EDARADD: variants seen among roughly 807,000 people sequenced by gnomAD.
EDARADD encodes the protein EDAR associated via death domain.
A neutral mutation model predicts 25.6 loss-of-function variants in EDARADD; 20 were observed. The observed-to-expected ratio is 0.78, with a 90% confidence interval of 0.55 to 1.14. The LOEUF (loss-of-function observed/expected upper bound fraction) is 1.14, where lower values mean the gene tolerates loss of function less well. Among genes scored for constraint, EDARADD ranks in the 50% most tolerant of loss-of-function variants. EDARADD has a pLI of 0.00. For synonymous variants in EDARADD, 86 were observed against 94.4 expected, an observed-to-expected ratio of 0.91 and a Z score of 0.52; for missense variants, 225 against 270.1, an observed-to-expected ratio of 0.83 and a Z score of 1.17.
intron 3 of EDARADD, among the ~76,000 whole-genome samples, chr1:236,368,997 G>A (rs1667144140): frequency 1.3e-5 from 2 of 152,052 alleles, no homozygotes; most frequent in Middle Eastern, 3.4e-3. Flanking sequence ...GTCTTGCTAT[G>A]TTGCCCAGGC....
rs1479782438 is a variant in EDARADD, at chr1:236,482,954, A to T, written c.*305A>T. On this transcript the variant is annotated 3_prime_UTR_variant, in exon 6 of 6. Coordinates refer to ENST00000334232, the MANE Select transcript of EDARADD (RefSeq NM_145861.4). ...TTCATGCCACGTTGAAGATAAAATTATCCTCTCTCTGAAATACGGTAAAGA... is the reference window on the plus strand; with the variant it reads ...TTCATGCCACGTTGAAGATAAAATTTTCCTCTCTCTGAAATACGGTAAAGA... 1.6e-6 allele frequency: 1 copy of T among 606,500 alleles called. No individual in the cohort carries two copies. The highest frequency in any genetic ancestry group is 2.9e-6 in the Non-Finnish European group (1 of 346,392). The allele number at this position is 606,500 out of a possible 1,614,324, so 37.6% of individuals were successfully genotyped here. A position where few individuals can be genotyped will look rare whatever the true frequency, so the allele number is the denominator to read the frequency against.
intron 4 of EDARADD, among the ~76,000 whole-genome samples, chr1:236,466,816 C>A (rs1659204222): frequency 6.6e-6 from 1 of 152,114 alleles, no homozygotes; most frequent in South Asian, 2.1e-4. Context: ...CACCTGTAAT[C>A]CCAACACTTT....
At chr1:236,425,679 A>G (rs1195812708) in intron 3 of EDARADD, among the ~76,000 whole-genome samples, 1 of 152,348 alleles carries the variant, frequency 6.6e-6, no homozygotes, top group Non-Finnish European at 1.5e-5. Context: ...GGGAGCCTCA[A>G]GAGACCACCT....
chr1:236,458,998 G>C (rs551502391), intron 4 of EDARADD, among the ~76,000 whole-genome samples: 3 of 152,158 alleles, frequency 2.0e-5, no homozygotes, highest in Admixed American at 6.5e-5. Context: ...AACTTTAGAT[G>C]GTATTTAGAC....
At chr1:236,412,782 T>C (rs971923740) in intron 2 of EDARADD, among the ~76,000 whole-genome samples, 2 of 152,238 alleles carry the variant, frequency 1.3e-5, no homozygotes, top group African/African-American at 4.8e-5. Context: ...CTTAAAACTA[T>C]GTTACAATCT....
At chr1:236,370,812 C>G (rs1320100060) in intron 3 of EDARADD, among the ~76,000 whole-genome samples, 1 of 152,160 alleles carries the variant, frequency 6.6e-6, no homozygotes, top group Non-Finnish European at 1.5e-5. Flanking sequence ...GACTCCTAAA[C>G]CATAATTTAT....
chr1:236,383,287 C>CGA (rs1476705155), intron 3 of EDARADD, among the ~76,000 whole-genome samples: 2 of 150,996 alleles, frequency 1.3e-5, no homozygotes, highest in Non-Finnish European at 2.9e-5. Context: ...CCCAGCTACT[C>CGA]GAGAGGCTGA....
intron 3 of EDARADD, among the ~76,000 whole-genome samples, chr1:236,357,878 A>ATT (rs34263861): frequency 0.34 from 49,975 of 147,264 alleles, 8,581 homozygotes; most frequent in African/African-American, 0.41. Flanking sequence ...ATTTTATTTA[A>ATT]TTTTTTTTTT....
rs530142484 is a variant in EDARADD at position 236,473,373 on chromosome 1, G to A, written c.265+5097G>A. Reference sequence around the variant, plus strand: ...AGGGACAGGAAGTTGCTGGGGCAAAGCCCCTGAGGCTGGACTGAGCTCAGT... The same window carrying A: ...AGGGACAGGAAGTTGCTGGGGCAAAACCCCTGAGGCTGGACTGAGCTCAGT... On this transcript the variant is annotated intron_variant, in intron 5 of 5. Coordinates refer to ENST00000334232, the MANE Select transcript of EDARADD (RefSeq NM_145861.4). Among the ~76,000 whole-genome samples, 5 of 152,272 alleles carry A rather than the reference G, an allele frequency of 3.3e-5. No homozygotes were observed. The South Asian group carries it at 6.2e-4, about 19-fold the overall frequency.
Position 236,450,915 on chromosome 1 carries a change from G to A in EDARADD, c.220-17316G>A, listed in dbSNP as rs552059501. Among the ~76,000 whole-genome samples, 18 of 152,110 alleles carry A rather than the reference G, an allele frequency of 1.2e-4. No individual in the cohort carries two copies. The East Asian group carries it at 2.9e-3, about 24-fold the overall frequency. On this transcript the variant is annotated intron_variant, in intron 4 of 5. Transcript: ENST00000334232. ...CATTATTATGCTCACTTTACACATCGAGATCCAGAGTGGTTAAATATTTGT... is the reference window on the plus strand; with the variant it reads ...CATTATTATGCTCACTTTACACATCAAGATCCAGAGTGGTTAAATATTTGT...
In EDARADD at chr1:236,426,660, C is replaced by T. The variant is rs1231564089; in HGVS notation, c.161-732C>T. Among the ~76,000 whole-genome samples the T allele has an allele frequency of 5.3e-5, 8 of 152,320 alleles. No homozygotes were observed. In the East Asian group the frequency reaches 1.5e-3, roughly 29 times the overall value. On this transcript the variant is annotated intron_variant, in intron 3 of 5. Transcript: ENST00000334232. ...CAGTGGCTCACACTAGTAATCCCAA[C>T]ACTTTGGGAGGCCAAGGCAGGAGAA...
In EDARADD at chr1:236,350,976, CTCT is replaced by C. The variant is rs541144470; in HGVS notation, c.-6+142_-6+144del. On this transcript the variant is annotated intron_variant, in intron 3 of 7. Transcript: ENST00000439430. ...TCTTGGTAAACAATTTAGGAACTGCCTCTTCTTTTCCTTTAAAAACCTCAAGGT... is the reference window on the plus strand; with the variant it reads ...TCTTGGTAAACAATTTAGGAACTGCCTCTTTTCCTTTAAAAACCTCAAGGT... The C allele has an allele frequency of 3.7e-3, 558 of 152,148 alleles. 4 individuals are homozygous for C. Among genetic ancestry groups the C allele is most frequent in the African/African-American group, 0.013 (537 of 41,506 alleles). 9.4% of individuals were successfully genotyped at this position (152,148 alleles called of 1,614,324 possible). A position where few individuals can be genotyped will look rare whatever the true frequency, so the allele number is the denominator to read the frequency against.
intron 1 of EDARADD, among the ~76,000 whole-genome samples, chr1:236,405,809 T>TTCCTTCCC (rs1558112581): frequency 2.3e-5 from 3 of 129,446 alleles, no homozygotes; most frequent in African/African-American, 8.8e-5. Context: ...TCTTTCTTTC[T>TTCCTTCCC]TTCCTTCCTT....
At chr1:236,350,028 C>T (rs1666897145) in intron 2 of EDARADD, among the ~76,000 whole-genome samples, 1 of 152,136 alleles carries the variant, frequency 6.6e-6, no homozygotes, top group South Asian at 2.1e-4. Context: ...AGGAGGATTG[C>T]TTGAACCCAG....
chr1:236,453,286 T>C (rs200676220), intron 4 of EDARADD, among the ~76,000 whole-genome samples: 2 of 140,016 alleles, frequency 1.4e-5, no homozygotes, highest in South Asian at 2.3e-4. Flanking sequence ...TTCTTTTTTT[T>C]TTTTTTTTTT....
intron 3 of EDARADD, among the ~76,000 whole-genome samples, chr1:236,353,949 A>G (rs1558098590): frequency 6.6e-6 from 1 of 151,976 alleles, no homozygotes. Flanking sequence ...AGTTCAGGGG[A>G]AAATGTGACT....
chr1:236,405,634 T>C (rs1667693526), intron 1 of EDARADD, among the ~76,000 whole-genome samples: 4 of 151,072 alleles, frequency 2.6e-5, no homozygotes, highest in African/African-American at 9.7e-5. Context: ...CCTTCCTTGC[T>C]TTTAACTGTC....
chr1:236,471,916 G>A (rs1038124051), intron 5 of EDARADD, among the ~76,000 whole-genome samples: 5 of 152,176 alleles, frequency 3.3e-5, no homozygotes, highest in African/African-American at 1.2e-4. Flanking sequence ...TGTGAATTGT[G>A]AAGCTTGTTG....
At chr1:236,450,269 G>C (rs1301050666) in intron 4 of EDARADD, among the ~76,000 whole-genome samples, 1 of 151,694 alleles carries the variant, frequency 6.6e-6, no homozygotes. Flanking sequence ...ACTCCCACCT[G>C]GGCCACAGAG....
Sources: allele counts gnomAD v4.1 joint callset (sites outside exome capture counted in the v4.1 genomes callset), GRCh38; gene constraint gnomAD v4.1.1; transcripts MANE v1.5; gene names NCBI Gene and HGNC (gene_info 2026-07-23, HGNC 2026-07-21).